Variants in SYN2 observed in about 807,000 individuals in gnomAD.
SYN2 encodes the protein synapsin-2.
Under a neutral mutation model 50.9 loss-of-function variants are expected in SYN2, and 19 were observed. The ratio of observed to expected loss-of-function variants is 0.37; its 90% CI spans 0.26 to 0.55. The LOEUF is 0.55. Among genes scored for constraint, SYN2 ranks in the 20% least tolerant of loss-of-function variants. The pLI is 0.81. For synonymous variants in SYN2, 255 were observed against 224.9 expected (o/e 1.13, Z -1.20); for missense variants, 587 against 576.4 (o/e 1.02, Z -0.19).
chr3:12,075,512 A>G (rs1292807921), intron 1 of SYN2, among the ~76,000 whole-genome samples: 5 of 152,230 alleles, frequency 3.3e-5, no homozygotes, highest in South Asian at 2.1e-4. Flanking sequence ...ATGCCTTGCT[A>G]TTATAGTAGA....
chr3:12,158,448 G>T (rs1358490911), intron 5 of SYN2, among the ~76,000 whole-genome samples: 2 of 152,120 alleles, frequency 1.3e-5, no homozygotes, highest in African/African-American at 4.8e-5. Context: ...CTCCATAATT[G>T]CAGTATGGCC....
In SYN2 at chr3:12,080,510, C is replaced by T. The variant is rs1695563442; in HGVS notation, c.378-60141C>T. On this transcript the variant is annotated intron_variant, in intron 1 of 12. Transcript: ENST00000621198. ...GATTCTGGTACATTGTCACTTTGTT[C>T]TCGTTGGCTTCAAAGAGCTTCTTGA... 2.0e-5 allele frequency among the ~76,000 whole-genome samples: 3 copies of T among 152,054 alleles called. No individual in the cohort carries two copies. In the South Asian group the frequency reaches 6.2e-4, roughly 32 times the overall value.
At chr3:12,083,347 A>G (rs928472589) in intron 1 of SYN2, among the ~76,000 whole-genome samples, 3 of 152,072 alleles carry the variant, frequency 2.0e-5, no homozygotes, top group Non-Finnish European at 2.9e-5. Flanking sequence ...AGACAGCTCT[A>G]TTTTTTACCT....
chr3:12,057,999 C>T (rs1695032362), intron 1 of SYN2, among the ~76,000 whole-genome samples: 1 of 152,104 alleles, frequency 6.6e-6, no homozygotes, highest in Non-Finnish European at 1.5e-5. Context: ...GGTCCCATTC[C>T]CCAACCCTTC....
intron 1 of SYN2, among the ~76,000 whole-genome samples, chr3:12,067,560 C>CT (rs1483864085): frequency 6.6e-6 from 1 of 150,964 alleles, no homozygotes; most frequent in African/African-American, 2.4e-5. Flanking sequence ...TTCTCCTTCT[C>CT]TGTTAAATCA....
intron 1 of SYN2, among the ~76,000 whole-genome samples, chr3:12,033,134 C>T (rs550103161): frequency 9.2e-5 from 14 of 151,874 alleles, no homozygotes; most frequent in Non-Finnish European, 1.9e-4. Flanking sequence ...GTTGGAATAC[C>T]GTGCCGTGTG....
intron 1 of SYN2, among the ~76,000 whole-genome samples, chr3:12,022,396 GTTATTA>G (rs201890521): frequency 6.6e-6 from 1 of 151,230 alleles, no homozygotes; most frequent in Non-Finnish European, 1.5e-5. Context: ...CCTCTAGGAA[GTTATTA>G]TTATTATTAT....
At chr3:12,036,970 T>G (rs61061565) in intron 1 of SYN2, among the ~76,000 whole-genome samples, 2 of 152,138 alleles carry the variant, frequency 1.3e-5, no homozygotes, top group Admixed American at 6.5e-5. Context: ...TATCCTAGTT[T>G]ATCACTGTTA....
rs374389886 is a variant in SYN2, at chr3:12,187,422, C to T, written c.1423C>T (p.Arg475Cys). 2.5e-5 allele frequency: 39 copies of T among 1,551,898 alleles called. No individual in the cohort carries two copies. The highest frequency in any genetic ancestry group is 2.9e-5 in the Non-Finnish European group (33 of 1,146,952). The change falls in exon 12 of 13, where the codon CGC becomes TGC. Residue 475 changes from arginine (R) to cysteine (C), a missense_variant. Transcript: ENST00000621198. The part of the protein sequence containing the change: ...MQPPGKVLPP[R>C]RLPPGPSLPP... Reference sequence around the variant, plus strand: ...GCCCCCAGGCAAGGTGCTGCCTCCACGCCGGCTCCCCCCTGGACCATCACT... The same window carrying T: ...GCCCCCAGGCAAGGTGCTGCCTCCATGCCGGCTCCCCCCTGGACCATCACT...
At chr3:12,071,973 G>A (rs1695363356) in intron 1 of SYN2, among the ~76,000 whole-genome samples, 1 of 151,752 alleles carries the variant, frequency 6.6e-6, no homozygotes, top group Admixed American at 6.6e-5. Flanking sequence ...TTTTTTGTAT[G>A]CAATTCTCAA....
chr3:12,127,173 T>G (rs1055139576), intron 1 of SYN2, among the ~76,000 whole-genome samples: 3 of 152,232 alleles, frequency 2.0e-5, no homozygotes, highest in Admixed American at 6.5e-5. Flanking sequence ...CAGCTTGAGT[T>G]GGTTTTTAAA....
At position 12,067,270 on chromosome 3, in the gene SYN2, C is replaced by T. The variant is rs182313471; in HGVS notation, c.377+62342C>T. On this transcript the variant is annotated intron_variant, in intron 1 of 12. Coordinates refer to ENST00000621198, the MANE Select transcript of SYN2 (RefSeq NM_133625.6). ...AATGAGTCATATCAAGGTTTTAATC[C>T]AAGTCATTCAGTGATTTAAAAAAAA... Among the ~76,000 whole-genome samples, 233 of 152,052 alleles carry T rather than the reference C, an allele frequency of 1.5e-3. 2 individuals are homozygous for T. Among genetic ancestry groups the T allele is most frequent in the African/African-American group, 5.5e-3 (228 of 41,466 alleles).
At chr3:12,019,637 T>G in intron 1 of SYN2, among the ~76,000 whole-genome samples, 1 of 152,194 alleles carries the variant, frequency 6.6e-6, no homozygotes, top group East Asian at 1.9e-4. Flanking sequence ...TGCACTCAAC[T>G]TAACTGTGAC....
At chr3:12,023,024 G>T (rs1694179126) in intron 1 of SYN2, among the ~76,000 whole-genome samples, 1 of 152,134 alleles carries the variant, frequency 6.6e-6, no homozygotes. Context: ...AGAAATAACA[G>T]CTACATTTAT....
intron 1 of SYN2, among the ~76,000 whole-genome samples, chr3:12,057,287 C>CTGTGTGTGTGTGTGTG (rs59286785): frequency 0.01 from 1,391 of 133,926 alleles, 39 homozygotes; most frequent in African/African-American, 0.036. Context: ...GCAAGACTGT[C>CTGTGTGTGTGTGTGTG]TGTGTGTGTG....
chr3:12,057,171 A>T (rs1050340100), intron 1 of SYN2, among the ~76,000 whole-genome samples: 3 of 152,110 alleles, frequency 2.0e-5, no homozygotes, highest in Non-Finnish European at 4.4e-5. Context: ...ATGCGCCTGT[A>T]ATCCCAGCTA....
At chr3:12,027,186 G>T (rs541664137) in intron 1 of SYN2, among the ~76,000 whole-genome samples, 2 of 152,262 alleles carry the variant, frequency 1.3e-5, no homozygotes, top group East Asian at 3.9e-4. Context: ...TCATGGCTCA[G>T]CCTTCCCAGC....
chr3:12,038,803 GTGTTCA>G (rs1288743190), intron 1 of SYN2, among the ~76,000 whole-genome samples: 1 of 152,086 alleles, frequency 6.6e-6, no homozygotes, highest in Non-Finnish European at 1.5e-5. Context: ...CTAAGAGTGT[GTGTTCA>G]TGTTTGTGTG....
At chr3:12,050,060 C>T (rs539959075) in intron 1 of SYN2, among the ~76,000 whole-genome samples, 21 of 152,118 alleles carry the variant, frequency 1.4e-4, no homozygotes, top group South Asian at 1.0e-3. Context: ...CCACCACGCC[C>T]GGCTAATTTT....
Sources: allele counts gnomAD v4.1 joint callset (sites outside exome capture counted in the v4.1 genomes callset), GRCh38; gene constraint gnomAD v4.1.1; transcripts MANE v1.5; gene names NCBI Gene and HGNC (gene_info 2026-07-23, HGNC 2026-07-21).